Variants in PLPPR5 observed in about 807,000 individuals in gnomAD.
PLPPR5 encodes phospholipid phosphatase-related protein type 5.
Under a neutral mutation model 33.9 loss-of-function variants are expected in PLPPR5, and 16 were observed. The observed-to-expected ratio is 0.47, with a 90% CI of 0.32 to 0.72. The LOEUF is 0.72. Among genes scored for constraint, PLPPR5 ranks in the 30% least tolerant of loss-of-function variants. The probability of loss-of-function intolerance (pLI) is 0.03; values close to 1 mark genes in which losing one functional copy is unlikely to be tolerated. For synonymous variants in PLPPR5, 163 were observed against 150.3 expected, an observed-to-expected ratio of 1.08 and a Z score of -0.62; for missense variants, 301 against 406.7, an observed-to-expected ratio of 0.74 and a Z score of 2.23.
At chr1:98,993,370 C>A (rs190571107) in intron 1 of PLPPR5, among the ~76,000 whole-genome samples, 3 of 151,974 alleles carry the variant, frequency 2.0e-5, no homozygotes, top group East Asian at 1.9e-4. Context: ...ATTCTCATAT[C>A]TGTATTCTAG....
chr1:98,904,317 A>G (rs1648813626), intron 5 of PLPPR5, among the ~76,000 whole-genome samples: 2 of 121,472 alleles, frequency 1.6e-5, no homozygotes, highest in African/African-American at 3.2e-5. Flanking sequence ...ATTGATTAGG[A>G]GCACATCAAC....
chr1:99,004,908 C>G (rs1653022013), upstream of PLPPR5: 1 of 190,554 alleles, frequency 5.2e-6, no homozygotes, highest in Admixed American at 6.1e-5. Flanking sequence ...CCCCTGCCCG[C>G]CCCCTGCCCG....
chr1:98,946,062 G>C (rs1346405130), intron 3 of PLPPR5, among the ~76,000 whole-genome samples: 1 of 152,094 alleles, frequency 6.6e-6, no homozygotes, highest in Non-Finnish European at 1.5e-5. Flanking sequence ...ATCAGTATAA[G>C]GGCTCTCAAT....
chr1:98,932,296 T>C (rs1455947143), intron 3 of PLPPR5, among the ~76,000 whole-genome samples: 1 of 152,180 alleles, frequency 6.6e-6, no homozygotes, highest in Non-Finnish European at 1.5e-5. Flanking sequence ...CTAAACTCTG[T>C]GTATGACATG....
At chr1:98,948,830 A>C (rs1650655118) in intron 3 of PLPPR5, among the ~76,000 whole-genome samples, 1 of 152,212 alleles carries the variant, frequency 6.6e-6, no homozygotes, top group Non-Finnish European at 1.5e-5. Context: ...GGAAAACTGC[A>C]AGTCAACCCT....
rs144493057 is a variant in PLPPR5, at chr1:98,986,133, A to G, written c.237+18302T>C. Among the ~76,000 whole-genome samples, 216 of 152,116 alleles carry G rather than the reference A, an allele frequency of 1.4e-3. 4 individuals carry two copies. The highest frequency in any genetic ancestry group is 4.9e-3 in the African/African-American group (204 of 41,554). ...AAAGTCACATTATATTAAATTAAGT[A>G]ATGGATATTTATGAAACATCTGAGT... On this transcript the variant is annotated intron_variant, in intron 1 of 5. Transcript: ENST00000263177.
intron 1 of PLPPR5, among the ~76,000 whole-genome samples, chr1:98,958,029 G>A (rs1394101811): frequency 6.6e-6 from 1 of 152,200 alleles, no homozygotes; most frequent in Non-Finnish European, 1.5e-5. Context: ...TTCTTTTTAA[G>A]GCCAGTCAGA....
intron 1 of PLPPR5, 92 bp from the exon 2 acceptor site, chr1:98,956,833 T>C: frequency 1.0e-6 from 1 of 970,110 alleles, no homozygotes; most frequent in Admixed American, 3.3e-5. Flanking sequence ...TGGAGCCCCT[T>C]TGAATGGTAA....
chr1:98,893,197 A>G, intron 5 of PLPPR5, 93 bp from the exon 6 acceptor site: 1 of 1,208,530 alleles, frequency 8.3e-7, no homozygotes, highest in Non-Finnish European at 1.2e-6. Context: ...ATTAGCTTAT[A>G]TGCTGAATGT....
chr1:98,932,686 A>G (rs1650023138), intron 3 of PLPPR5, among the ~76,000 whole-genome samples: 1 of 152,194 alleles, frequency 6.6e-6, no homozygotes, highest in South Asian at 2.1e-4. Flanking sequence ...TGTACTTAAC[A>G]GGCTATGGTA....
At chr1:98,918,473 T>C (rs1370773995) in intron 4 of PLPPR5, among the ~76,000 whole-genome samples, 7 of 152,204 alleles carry the variant, frequency 4.6e-5, no homozygotes, top group Non-Finnish European at 1.0e-4. Context: ...CTAAAAATAG[T>C]GTTCAAATAG....
At chr1:98,944,822 G>A (rs1437488001) in intron 3 of PLPPR5, among the ~76,000 whole-genome samples, 1 of 152,184 alleles carries the variant, frequency 6.6e-6, no homozygotes, top group Non-Finnish European at 1.5e-5. Flanking sequence ...TCAGTGGTGG[G>A]AAAACATAGA....
At chr1:98,920,374 C>A (rs186314) in intron 4 of PLPPR5, among the ~76,000 whole-genome samples, 111,420 of 150,190 alleles carry the variant, frequency 0.74, 41,416 homozygotes, top group East Asian at 0.8. Flanking sequence ...TTTGCCTATA[C>A]TATTTTTTAA....
chr1:98,938,593 T>C (rs1183336288), intron 3 of PLPPR5, among the ~76,000 whole-genome samples: 1 of 150,508 alleles, frequency 6.6e-6, no homozygotes, highest in African/African-American at 2.4e-5. Context: ...GTAATATATA[T>C]CATTCTATCA....
chr1:98,977,870 A>C (rs1377311146), intron 1 of PLPPR5, among the ~76,000 whole-genome samples: 1 of 151,912 alleles, frequency 6.6e-6, no homozygotes, highest in Non-Finnish European at 1.5e-5. Flanking sequence ...GAAGGTTTTC[A>C]ATCAGTCTTA....
intron 5 of PLPPR5, among the ~76,000 whole-genome samples, chr1:98,893,637 T>C (rs1648366756): frequency 6.6e-6 from 1 of 150,584 alleles, no homozygotes. Flanking sequence ...TTTTTTTTTT[T>C]TTTGGGAAAT....
chr1:98,910,891 T>G (rs1294954998), intron 5 of PLPPR5, among the ~76,000 whole-genome samples: 1,994 of 81,528 alleles, frequency 0.024, 15 homozygotes, highest in Middle Eastern at 0.036. Flanking sequence ...AGAGAGTGTT[T>G]TTTTTTTTTT....
rs1033348485 is a variant in PLPPR5 at position 98,900,881 on chromosome 1, C to T, written c.934-7777G>A. On this transcript the variant is annotated intron_variant, in intron 5 of 5. Transcript: ENST00000263177. The stretch of plus-strand genomic sequence containing the variant: ...CATCAAGATTCATTTCAGAACCATT[C>T]AAAATCATAAGGGCCATTAGAAATG... 3.9e-5 allele frequency among the ~76,000 whole-genome samples: 6 copies of T among 152,104 alleles called. No homozygotes were observed. The East Asian group carries it at 9.7e-4, about 25-fold the overall frequency.
At chr1:98,973,104 T>G (rs1651714383) in intron 1 of PLPPR5, among the ~76,000 whole-genome samples, 1 of 152,090 alleles carries the variant, frequency 6.6e-6, no homozygotes, top group Non-Finnish European at 1.5e-5. Flanking sequence ...TTCTGAGCCA[T>G]CCTAACTTAA....
Sources: allele counts gnomAD v4.1 joint callset (sites outside exome capture counted in the v4.1 genomes callset), GRCh38; gene constraint gnomAD v4.1.1; transcripts MANE v1.5; gene names NCBI Gene and HGNC (gene_info 2026-07-23, HGNC 2026-07-21).